Variants in NRG3 observed in about 807,000 individuals in gnomAD.
NRG3 encodes the protein pro-neuregulin-3, membrane-bound isoform.
A neutral mutation model predicts 66.9 loss-of-function variants in NRG3; 31 were observed. The ratio of observed to expected loss-of-function variants is 0.46; its 90% CI spans 0.35 to 0.63. The LOEUF (loss-of-function observed/expected upper bound fraction) is 0.63, where lower values mean the gene tolerates loss of function less well. NRG3 is among the 20% of genes least tolerant of loss of function. The probability of loss-of-function intolerance (pLI) is 0.00; values close to 1 mark genes in which losing one functional copy is unlikely to be tolerated. For missense variants in NRG3, 910 were observed against 878.9 expected, an observed-to-expected ratio of 1.04 and a Z score of -0.45; for synonymous variants, 393 against 359.4, an observed-to-expected ratio of 1.09 and a Z score of -1.06.
chr10:82,284,402 C>G (rs1024652062), intron 1 of NRG3, among the ~76,000 whole-genome samples: 2 of 152,172 alleles, frequency 1.3e-5, no homozygotes, highest in Non-Finnish European at 2.9e-5. Context: ...CACACAGATA[C>G]AAGAACAGGA....
At chr10:82,308,908 G>A (rs1020519591) in intron 1 of NRG3, among the ~76,000 whole-genome samples, 5 of 152,142 alleles carry the variant, frequency 3.3e-5, no homozygotes, top group Non-Finnish European at 7.4e-5. Context: ...CTACTAAGGA[G>A]CCAGGAGAAG....
At chr10:82,407,076 T>G (rs1303348484) in intron 2 of NRG3, among the ~76,000 whole-genome samples, 1 of 63,288 alleles carries the variant, frequency 1.6e-5, no homozygotes, top group Non-Finnish European at 2.6e-5. Context: ...ACCATTCCAG[T>G]GTCTTTTTAT....
At chr10:82,245,632 A>C (rs1320385822) in intron 1 of NRG3, among the ~76,000 whole-genome samples, 1 of 152,170 alleles carries the variant, frequency 6.6e-6, no homozygotes, top group Non-Finnish European at 1.5e-5. Context: ...CATGGCACTT[A>C]GTTTTCAATA....
intron 3 of NRG3, among the ~76,000 whole-genome samples, chr10:82,805,870 G>A (rs1305432596): frequency 1.3e-5 from 2 of 152,120 alleles, no homozygotes; most frequent in Admixed American, 1.3e-4. Flanking sequence ...AATGTGCACA[G>A]GCCTGTTCCA....
At chr10:82,123,647 C>G (rs772406041) in intron 1 of NRG3, among the ~76,000 whole-genome samples, 14 of 152,206 alleles carry the variant, frequency 9.2e-5, no homozygotes, top group African/African-American at 1.7e-4. Flanking sequence ...TTGAAGAATT[C>G]AGTTCATCCA....
chr10:82,430,549 G>A (rs774639403), intron 2 of NRG3, among the ~76,000 whole-genome samples: 6 of 152,080 alleles, frequency 3.9e-5, no homozygotes, highest in African/African-American at 9.7e-5. Context: ...GAGCCACCAC[G>A]CCCGACCATT....
chr10:82,913,694 G>A (rs1186331058), intron 4 of NRG3, among the ~76,000 whole-genome samples: 1 of 152,140 alleles, frequency 6.6e-6, no homozygotes, highest in African/African-American at 2.4e-5. Flanking sequence ...TATAGGTGAG[G>A]TGTTTTCCCT....
intron 2 of NRG3, among the ~76,000 whole-genome samples, chr10:82,615,970 G>T (rs2048620609): frequency 6.6e-6 from 1 of 152,224 alleles, no homozygotes; most frequent in East Asian, 1.9e-4. Flanking sequence ...TTATTTTTGA[G>T]CACTAATATA....
At chr10:82,554,082 C>G (rs1277934805) in intron 2 of NRG3, among the ~76,000 whole-genome samples, 1 of 151,994 alleles carries the variant, frequency 6.6e-6, no homozygotes, top group Non-Finnish European at 1.5e-5. Flanking sequence ...ACAGATGCAC[C>G]AAAATGCTAT....
intron 1 of NRG3, among the ~76,000 whole-genome samples, chr10:81,877,283 C>G (rs557536570): frequency 1.3e-5 from 2 of 152,276 alleles, no homozygotes; most frequent in South Asian, 4.1e-4. Context: ...TTAAGCTGAT[C>G]TGATCAGGAT....
At chr10:82,007,772 A>G (rs947019926) in intron 1 of NRG3, among the ~76,000 whole-genome samples, 3 of 152,176 alleles carry the variant, frequency 2.0e-5, no homozygotes, top group African/African-American at 4.8e-5. Flanking sequence ...TAGCAACCTC[A>G]TGGGCCTATT....
At chr10:82,366,245 A>G (rs183494898) in intron 2 of NRG3, among the ~76,000 whole-genome samples, 72 of 152,370 alleles carry the variant, frequency 4.7e-4, no homozygotes, top group Admixed American at 9.1e-4. Context: ...TACTATGTAT[A>G]TATATGATAG....
chr10:81,937,104 G>A (rs1464500778), intron 1 of NRG3, among the ~76,000 whole-genome samples: 1 of 152,118 alleles, frequency 6.6e-6, no homozygotes, highest in Non-Finnish European at 1.5e-5. Context: ...CATATAACAG[G>A]ATTTTCTTCT....
chr10:81,951,442 G>T (rs893786944), intron 1 of NRG3, among the ~76,000 whole-genome samples: 1 of 152,030 alleles, frequency 6.6e-6, no homozygotes, highest in African/African-American at 2.4e-5. Context: ...TGCAATTAGC[G>T]TTTGACATCC....
At chr10:82,688,601 C>T (rs2054685937) in intron 2 of NRG3, among the ~76,000 whole-genome samples, 1 of 152,004 alleles carries the variant, frequency 6.6e-6, no homozygotes, top group South Asian at 2.1e-4. Flanking sequence ...ATTTACTGAA[C>T]ACTTCCAATT....
chr10:82,132,507 T>TATATATG (rs2068963751), intron 1 of NRG3, among the ~76,000 whole-genome samples: 3 of 59,120 alleles, frequency 5.1e-5, no homozygotes, highest in African/African-American at 3.2e-4. Flanking sequence ...ATATATATCA[T>TATATATG]ATATATATGA....
chr10:82,343,575 T>C (rs532011685), intron 1 of NRG3, among the ~76,000 whole-genome samples: 10 of 152,268 alleles, frequency 6.6e-5, no homozygotes, highest in Non-Finnish European at 1.0e-4. Flanking sequence ...AAAAGGGCTT[T>C]AATAGCCAAA....
At chr10:82,401,989 A>T (rs567845832) in intron 2 of NRG3, among the ~76,000 whole-genome samples, 22 of 152,270 alleles carry the variant, frequency 1.4e-4, no homozygotes, top group African/African-American at 5.3e-4. Context: ...TATAAAATCC[A>T]ACTGATATTG....
At chr10:82,781,025 C>T (rs918226698) in intron 3 of NRG3, among the ~76,000 whole-genome samples, 21 of 152,244 alleles carry the variant, frequency 1.4e-4, no homozygotes, top group East Asian at 1.4e-3. Flanking sequence ...GCTGCTTTTT[C>T]GTACTGATTT....
Sources: allele counts gnomAD v4.1 joint callset (sites outside exome capture counted in the v4.1 genomes callset), GRCh38; gene constraint gnomAD v4.1.1; transcripts MANE v1.5; gene names NCBI Gene and HGNC (gene_info 2026-07-23, HGNC 2026-07-21).